The following TRAPPC9 variants were observed in gnomAD, a reference collection of about 807,000 sequenced individuals.
TRAPPC9 encodes the protein IKK2 binding protein.
TRAPPC9 carries 83 observed loss-of-function variants against 124.0 expected under a neutral mutation model. The observed-to-expected ratio is 0.67, with a 90% CI of 0.56 to 0.80. The LOEUF is 0.80. Ranked by LOEUF, TRAPPC9 falls within the 30% of genes least tolerant of loss-of-function variation. The pLI is 0.00. For missense variants in TRAPPC9, 1,302 were observed against 1,508.3 expected (o/e 0.86, Z 2.27); for synonymous variants, 638 against 617.5 (o/e 1.03, Z -0.49).
chr8:139,810,209 G>A (rs528224278), intron 21 of TRAPPC9, among the ~76,000 whole-genome samples: 1 of 152,310 alleles, frequency 6.6e-6, no homozygotes, highest in South Asian at 2.1e-4. Context: ...GGATGGGTGA[G>A]GGGTAACTGA....
intron 8 of TRAPPC9, among the ~76,000 whole-genome samples, chr8:140,360,775 C>G (rs376239552): frequency 6.6e-6 from 1 of 152,190 alleles, no homozygotes; most frequent in Non-Finnish European, 1.5e-5. Context: ...TCTCTGTCAT[C>G]CAGGCTGGAG....
intron 21 of TRAPPC9, among the ~76,000 whole-genome samples, chr8:139,876,142 C>T (rs547521247): frequency 2.0e-5 from 3 of 152,352 alleles, no homozygotes; most frequent in Admixed American, 6.5e-5. Context: ...CCATGTTACA[C>T]AATTTGATGA....
chr8:139,902,715 G>A (rs1222127375), intron 20 of TRAPPC9, among the ~76,000 whole-genome samples: 1 of 152,178 alleles, frequency 6.6e-6, no homozygotes, highest in African/African-American at 2.4e-5. Context: ...TAGGAAACAT[G>A]TCTGAGAATA....
chr8:140,207,064 G>A (rs2062940047), intron 17 of TRAPPC9, among the ~76,000 whole-genome samples: 1 of 152,218 alleles, frequency 6.6e-6, no homozygotes, highest in Non-Finnish European at 1.5e-5. Flanking sequence ...ACCTGGAGAA[G>A]GCAGGCAGGA....
In TRAPPC9 at chr8:140,252,716, G is replaced by A. The variant is rs369907039; in HGVS notation, c.2431+61C>T. 193 of 1,589,158 alleles carry A rather than the reference G, an allele frequency of 1.2e-4. No homozygotes were observed. Among genetic ancestry groups the A allele is most frequent in the Middle Eastern group, 1.7e-4 (1 of 6,020 alleles). ...CAGCAAACAGCAGGCATCAAGGGAT[G>A]GGGGTTGCTACACAGTATCTAGGAC... On this transcript the variant is annotated intron_variant, in intron 16 of 22. Coordinates refer to ENST00000438773, the MANE Select transcript of TRAPPC9 (RefSeq NM_001160372.4). The surrounding 1 kb of genome is among the most constrained non-coding windows in gnomAD (Gnocchi z 4.2).
chr8:140,108,256 C>G (rs909096168), intron 17 of TRAPPC9, among the ~76,000 whole-genome samples: 6 of 152,184 alleles, frequency 3.9e-5, no homozygotes, highest in African/African-American at 1.2e-4. Flanking sequence ...GAATCAGAAG[C>G]CAAACTGCAG....
intron 11 of TRAPPC9, among the ~76,000 whole-genome samples, chr8:140,291,457 T>G (rs1321142361): frequency 6.6e-6 from 1 of 152,192 alleles, no homozygotes; most frequent in Non-Finnish European, 1.5e-5. Flanking sequence ...CGGAGTGTGA[T>G]TTGCCCTATT....
chr8:140,374,227 G>A (rs754973101), intron 7 of TRAPPC9, among the ~76,000 whole-genome samples: 1 of 152,220 alleles, frequency 6.6e-6, no homozygotes, highest in Admixed American at 6.5e-5. Context: ...AGAAGCCCCA[G>A]TGCTGGAGGA....
At chr8:140,133,266 A>C (rs2061237743) in intron 17 of TRAPPC9, among the ~76,000 whole-genome samples, 1 of 152,246 alleles carries the variant, frequency 6.6e-6, no homozygotes, top group African/African-American at 2.4e-5. Context: ...ATTTTTTAAA[A>C]ATCAATGTGA....
In TRAPPC9 at chr8:140,441,313, C is replaced by G. The variant is rs150677583; in HGVS notation, c.585-2116G>C. Reference sequence around the variant, plus strand: ...AGGTAGACAGTGTTTTGCTCACTTCCTTGGTATGTTATCCTGTTCCAAATG... The same window carrying G: ...AGGTAGACAGTGTTTTGCTCACTTCGTTGGTATGTTATCCTGTTCCAAATG... On this transcript the variant is annotated intron_variant, in intron 2 of 22. Coordinates refer to ENST00000438773, the MANE Select transcript of TRAPPC9 (RefSeq NM_001160372.4). Among the ~76,000 whole-genome samples the G allele has an allele frequency of 1.1e-4, 17 of 152,040 alleles. No homozygotes were observed. In the East Asian group the frequency reaches 3.1e-3, roughly 28 times the overall value.
chr8:140,345,782 A>G (rs1411978893), intron 9 of TRAPPC9, among the ~76,000 whole-genome samples: 4 of 152,226 alleles, frequency 2.6e-5, no homozygotes, highest in Non-Finnish European at 5.9e-5. Flanking sequence ...GTCAGCTACC[A>G]AAAGACCTCA....
chr8:140,287,589 A>G lies in TRAPPC9; in HGVS notation c.1981+19T>C, dbSNP rs374404366. On this transcript the variant is annotated intron_variant, in intron 13 of 22. Transcript: ENST00000438773. Reference sequence around the variant, plus strand: ...CAGCAGACCCTCCTGAGCAGGAAGCATGAAGGGACTCTCCTTACCGTTCAC... The same window carrying G: ...CAGCAGACCCTCCTGAGCAGGAAGCGTGAAGGGACTCTCCTTACCGTTCAC... The G allele has an allele frequency of 4.3e-6, 7 of 1,614,038 alleles. No individual in the cohort carries two copies. The highest frequency in any genetic ancestry group is 1.7e-4 in the Middle Eastern group (1 of 6,058).
At chr8:139,967,957 G>A (rs1255472214) in intron 19 of TRAPPC9, among the ~76,000 whole-genome samples, 3 of 152,036 alleles carry the variant, frequency 2.0e-5, no homozygotes, top group African/African-American at 4.8e-5. Context: ...TGGCGAACAT[G>A]GTGAAACCCT....
At chr8:139,847,368 C>G (rs947297504) in intron 21 of TRAPPC9, among the ~76,000 whole-genome samples, 1 of 152,250 alleles carries the variant, frequency 6.6e-6, no homozygotes, top group Non-Finnish European at 1.5e-5. Context: ...GCAATTAATT[C>G]AGTCAGAAGG....
chr8:140,018,629 A>G (rs1399403665), intron 18 of TRAPPC9, among the ~76,000 whole-genome samples: 3 of 152,130 alleles, frequency 2.0e-5, no homozygotes, highest in Admixed American at 6.5e-5. Context: ...GCCTGGCCAC[A>G]TAAGTGATTT....
chr8:140,014,668 C>A (rs1433423111), intron 18 of TRAPPC9, among the ~76,000 whole-genome samples: 3 of 152,162 alleles, frequency 2.0e-5, no homozygotes. Context: ...AGAATAGACA[C>A]CAGAGTCCAG....
chr8:140,059,224 T>G (rs1365480489), intron 17 of TRAPPC9, among the ~76,000 whole-genome samples: 2 of 152,206 alleles, frequency 1.3e-5, no homozygotes, highest in Non-Finnish European at 2.9e-5. Flanking sequence ...TAACAGTGTG[T>G]ACTTTCTGTG....
intron 5 of TRAPPC9, among the ~76,000 whole-genome samples, chr8:140,414,441 G>T (rs2069828495): frequency 6.6e-6 from 1 of 152,140 alleles, no homozygotes; most frequent in Non-Finnish European, 1.5e-5. Context: ...GGCTGAGATG[G>T]AAGGATTGCT....
At chr8:139,963,769 A>AC (rs1835506359) in intron 19 of TRAPPC9, among the ~76,000 whole-genome samples, 2 of 117,108 alleles carry the variant, frequency 1.7e-5, no homozygotes, top group Non-Finnish European at 4.0e-5. Flanking sequence ...AAAAAAAAAA[A>AC]AAAAAAAACA....
Sources: gnomAD v4.1 joint callset for allele counts (sites outside exome capture counted in the v4.1 genomes callset) on GRCh38, gnomAD v4.1.1 for gene constraint, Gnocchi (gnomAD v3.1) non-coding constraint, MANE v1.5 for transcripts, NCBI Gene and HGNC (gene_info 2026-07-23, HGNC 2026-07-21) for gene names.